The following PIP4K2A variants were observed in gnomAD, a reference collection of about 807,000 sequenced individuals.
The protein encoded by PIP4K2A is phosphatidylinositol-5-phosphate 4-kinase type 2 alpha.
PIP4K2A carries 14 observed loss-of-function variants against 42.9 expected under a neutral mutation model. That is an observed-to-expected ratio of 0.33 (90% CI 0.22 to 0.51). PIP4K2A has a LOEUF of 0.51. PIP4K2A is among the 20% of genes least tolerant of loss of function. The pLI, the probability that PIP4K2A is intolerant of heterozygous loss-of-function variation, is 0.97. For synonymous variants in PIP4K2A, 192 were observed against 192.2 expected, an observed-to-expected ratio of 1.00 and a Z score of 0.01; for missense variants, 434 against 519.8, an observed-to-expected ratio of 0.83 and a Z score of 1.61.
chr10:22,553,906 C>T (rs1249275408), intron 6 of PIP4K2A, among the ~76,000 whole-genome samples: 1 of 149,486 alleles, frequency 6.7e-6, no homozygotes, highest in African/African-American at 2.5e-5. Context: ...GACTCTGAGA[C>T]AGGAGGTTCA....
At chr10:22,622,018 C>A (rs970701502) in intron 1 of PIP4K2A, among the ~76,000 whole-genome samples, 8 of 152,174 alleles carry the variant, frequency 5.3e-5, no homozygotes, top group Non-Finnish European at 1.0e-4. Flanking sequence ...CCTGACCATG[C>A]ATTTTTATCT....
chr10:22,619,327 A>T (rs1030074582), intron 1 of PIP4K2A, among the ~76,000 whole-genome samples: 1 of 152,198 alleles, frequency 6.6e-6, no homozygotes, highest in Non-Finnish European at 1.5e-5. Flanking sequence ...TTACAGAGGC[A>T]GGAAAAAACG....
chr10:22,680,447 T>C lies in PIP4K2A; in HGVS notation c.144+33736A>G, dbSNP rs545189680. On this transcript the variant is annotated intron_variant, in intron 1 of 9. Coordinates refer to ENST00000376573, the MANE Select transcript of PIP4K2A (RefSeq NM_005028.5). Reference sequence around the variant, plus strand: ...TTTTTATAATCATAAAAATAGCATTTAATGTCTTAGATGAGCCACACGTAC... The same window carrying C: ...TTTTTATAATCATAAAAATAGCATTCAATGTCTTAGATGAGCCACACGTAC... Among the ~76,000 whole-genome samples the C allele has an allele frequency of 5.3e-5, 8 of 152,332 alleles. No homozygotes were observed. In the East Asian group the frequency reaches 1.5e-3, roughly 29 times the overall value.
intron 4 of PIP4K2A, among the ~76,000 whole-genome samples, chr10:22,580,095 A>G (rs940914412): frequency 6.6e-6 from 1 of 151,762 alleles, no homozygotes; most frequent in Non-Finnish European, 1.5e-5. Context: ...GGAGCACCTG[A>G]TATGTGCCCC....
intron 1 of PIP4K2A, among the ~76,000 whole-genome samples, chr10:22,706,182 G>C (rs887051776): frequency 2.6e-5 from 4 of 152,112 alleles, no homozygotes; most frequent in South Asian, 4.1e-4. Flanking sequence ...TGGGGACACA[G>C]CCAAACCATA....
At chr10:22,571,276 C>T (rs147979547) in intron 5 of PIP4K2A, among the ~76,000 whole-genome samples, 52 of 152,324 alleles carry the variant, frequency 3.4e-4, no homozygotes, top group African/African-American at 1.2e-3. Flanking sequence ...AGCTGCTAGG[C>T]TCCCCTGTAT....
intron 1 of PIP4K2A, among the ~76,000 whole-genome samples, chr10:22,614,082 A>G (rs1312800089): frequency 1.3e-5 from 2 of 152,186 alleles, no homozygotes; most frequent in African/African-American, 4.8e-5. Flanking sequence ...TCTTGGAAGG[A>G]GTGCAGCCCT....
intron 3 of PIP4K2A, among the ~76,000 whole-genome samples, chr10:22,606,623 A>G (rs1001159138): frequency 6.6e-6 from 1 of 152,230 alleles, no homozygotes; most frequent in Non-Finnish European, 1.5e-5. Context: ...GATCTTTAGG[A>G]AAGTGTGCTA....
At chr10:22,624,807 T>C (rs1215314412) in intron 1 of PIP4K2A, among the ~76,000 whole-genome samples, 2 of 152,240 alleles carry the variant, frequency 1.3e-5, no homozygotes, top group Non-Finnish European at 1.5e-5. Context: ...TACAAACAGA[T>C]GTTTGAAAAT....
chr10:22,583,509 T>C (rs1460905323), intron 4 of PIP4K2A, among the ~76,000 whole-genome samples: 2 of 152,148 alleles, frequency 1.3e-5, no homozygotes, highest in African/African-American at 4.8e-5. Context: ...AGACAGAGCC[T>C]GTCAGGAGCA....
At chr10:22,537,993 C>T (rs531858430) in intron 9 of PIP4K2A, among the ~76,000 whole-genome samples, 4 of 152,294 alleles carry the variant, frequency 2.6e-5, no homozygotes, top group East Asian at 3.9e-4. Flanking sequence ...TGCAGAAGCA[C>T]GGTGAGGGAT....
chr10:22,684,473 G>A (rs1471544046), intron 1 of PIP4K2A, among the ~76,000 whole-genome samples: 1 of 152,054 alleles, frequency 6.6e-6, no homozygotes, highest in Non-Finnish European at 1.5e-5. Flanking sequence ...TAATGCGCTT[G>A]TTTCATTATA....
At chr10:22,666,778 C>A (rs990111732) in intron 1 of PIP4K2A, among the ~76,000 whole-genome samples, 1 of 152,188 alleles carries the variant, frequency 6.6e-6, no homozygotes, top group Non-Finnish European at 1.5e-5. Flanking sequence ...AGCCCTACTA[C>A]CCCTTTGCTC....
chr10:22,714,094 C>G (rs1833964864), intron 1 of PIP4K2A, 89 bp downstream of exon 1: 4 of 1,351,144 alleles, frequency 3.0e-6, no homozygotes, highest in Middle Eastern at 1.9e-4. Context: ...CGGCTCCCCG[C>G]CCCGCAGCAG....
rs1289458029 is a variant in PIP4K2A, at chr10:22,550,788, AAAAC to A, written c.679-20_679-17del. ...GTTCTTTGGCCTAAAACAAATGAGA[AAAAC>A]AATGACAAAGGCGCTTGAAGAAAAC... On this transcript the variant is annotated splice_polypyrimidine_tract_variant and intron_variant, in intron 6 of 9. Coordinates refer to ENST00000376573, the MANE Select transcript of PIP4K2A (RefSeq NM_005028.5). 6.9e-7 allele frequency: 1 copy of A among 1,456,414 alleles called. No individual in the cohort carries two copies. 90.2% of individuals were successfully genotyped at this position (1,456,414 alleles called of 1,614,324 possible).
chr10:22,711,197 A>G (rs1366693169), intron 1 of PIP4K2A, among the ~76,000 whole-genome samples: 1 of 152,224 alleles, frequency 6.6e-6, no homozygotes, highest in African/African-American at 2.4e-5. Context: ...ACTCCCGACT[A>G]TGACCATTGC....
At chr10:22,646,253 T>C (rs781782298) in intron 1 of PIP4K2A, 4 of 152,184 alleles carry the variant, frequency 2.6e-5, no homozygotes, top group Admixed American at 6.5e-5. Flanking sequence ...GATGAAGACA[T>C]TGCTTGTCCC....
At chr10:22,557,766 G>A (rs1435640151) in intron 6 of PIP4K2A, among the ~76,000 whole-genome samples, 1 of 152,044 alleles carries the variant, frequency 6.6e-6, no homozygotes, top group Non-Finnish European at 1.5e-5. Context: ...TATACAACAA[G>A]AGCCAACAGT....
At chr10:22,692,451 C>A (rs1839892368) in intron 1 of PIP4K2A, among the ~76,000 whole-genome samples, 1 of 152,076 alleles carries the variant, frequency 6.6e-6, no homozygotes, top group Non-Finnish European at 1.5e-5. Flanking sequence ...GGTTGGGGAT[C>A]TGTCTTAGAC....
Sources: gnomAD v4.1 joint callset for allele counts (sites outside exome capture counted in the v4.1 genomes callset) on GRCh38, gnomAD v4.1.1 for gene constraint, MANE v1.5 for transcripts, NCBI Gene and HGNC (gene_info 2026-07-23, HGNC 2026-07-21) for gene names.